GRM8: variants seen among roughly 807,000 people sequenced by gnomAD.
GRM8 encodes the protein glutamate metabotropic receptor 8.
A neutral mutation model predicts 87.2 loss-of-function variants in GRM8; 47 were observed. The observed-to-expected ratio is 0.54, with a 90% CI of 0.43 to 0.69. The LOEUF is 0.69. Among genes scored for constraint, GRM8 ranks in the 30% least tolerant of loss-of-function variants. The pLI, the probability that GRM8 is intolerant of heterozygous loss-of-function variation, is 0.00. For missense variants in GRM8, 1,019 were observed against 1,139.2 expected (o/e 0.89, Z 1.52); for synonymous variants, 396 against 404.5 (o/e 0.98, Z 0.25).
intron 3 of GRM8, among the ~76,000 whole-genome samples, chr7:126,906,130 A>G (rs892461300): frequency 6.6e-6 from 1 of 152,160 alleles, no homozygotes; most frequent in Non-Finnish European, 1.5e-5. Context: ...TAGTGCCCTT[A>G]TAAAAAAGAC....
At chr7:126,493,055 C>A in intron 9 of GRM8, among the ~76,000 whole-genome samples, 1 of 151,856 alleles carries the variant, frequency 6.6e-6, no homozygotes, top group East Asian at 1.9e-4. Context: ...GTTTGTTGAG[C>A]TTTGTTTTGT....
intron 9 of GRM8, among the ~76,000 whole-genome samples, chr7:126,526,815 G>T (rs1466456526): frequency 2.0e-5 from 3 of 152,222 alleles, no homozygotes; most frequent in Non-Finnish European, 2.9e-5. Context: ...TGCCCTACAT[G>T]AGAATTCCAT....
chr7:126,659,278 A>G (rs1804888420), intron 7 of GRM8, among the ~76,000 whole-genome samples: 1 of 152,190 alleles, frequency 6.6e-6, no homozygotes, highest in African/African-American at 2.4e-5. Flanking sequence ...AGCTATTACA[A>G]GTGGCAGGGG....
At chr7:126,773,575 T>C (rs1819091573) in intron 6 of GRM8, among the ~76,000 whole-genome samples, 1 of 152,176 alleles carries the variant, frequency 6.6e-6, no homozygotes, top group South Asian at 2.1e-4. Flanking sequence ...TATATTATCA[T>C]TGTATTTTAA....
At position 126,688,739 on chromosome 7, in the gene GRM8, G is replaced by GACACAC. The variant is rs3831573; in HGVS notation, c.1358-79247_1358-79242dup. 5.9e-3 allele frequency among the ~76,000 whole-genome samples: 865 copies of GACACAC among 145,800 alleles called. 10 individuals are homozygous for GACACAC. The highest frequency in any genetic ancestry group is 0.04 in the South Asian group (183 of 4,526). ...CCCTATTTTCTCTCTCTCTCTTTCT[G>GACACAC]ACACACACACACACACACACACACA... On this transcript the variant is annotated intron_variant, in intron 7 of 10. Coordinates refer to ENST00000339582, the MANE Select transcript of GRM8 (RefSeq NM_000845.3).
intron 2 of GRM8, among the ~76,000 whole-genome samples, chr7:127,125,718 C>T (rs1417987792): frequency 4.7e-5 from 7 of 149,214 alleles, no homozygotes; most frequent in East Asian, 3.9e-4. Flanking sequence ...AACTATGCAT[C>T]CATCAGGGGA....
At chr7:127,016,028 G>A (rs544082377) in intron 3 of GRM8, among the ~76,000 whole-genome samples, 4 of 152,156 alleles carry the variant, frequency 2.6e-5, no homozygotes, top group African/African-American at 7.2e-5. Context: ...ATACAAACAA[G>A]CTTAGATATT....
intron 6 of GRM8, among the ~76,000 whole-genome samples, chr7:126,812,457 G>C (rs746875235): frequency 4.0e-5 from 6 of 151,898 alleles, no homozygotes; most frequent in Non-Finnish European, 8.8e-5. Flanking sequence ...GTAACACAAT[G>C]GTAAGTACAT....
intron 9 of GRM8, among the ~76,000 whole-genome samples, chr7:126,529,454 A>G (rs1367075619): frequency 1.3e-5 from 2 of 152,224 alleles, no homozygotes; most frequent in Non-Finnish European, 2.9e-5. Context: ...AGGAGTGAGT[A>G]GAGGGAGGAG....
intron 8 of GRM8, among the ~76,000 whole-genome samples, chr7:126,599,255 C>T (rs141797682): frequency 1.5e-4 from 23 of 152,194 alleles, no homozygotes; most frequent in African/African-American, 5.1e-4. Context: ...TTTGGACTTT[C>T]CCTCAGATTC....
intron 7 of GRM8, among the ~76,000 whole-genome samples, chr7:126,628,448 A>G (rs1329692922): frequency 6.6e-6 from 1 of 152,226 alleles, no homozygotes; most frequent in Non-Finnish European, 1.5e-5. Flanking sequence ...AAATGCCCAC[A>G]GGATAGTGAA....
At chr7:126,737,946 T>C (rs1437926443) in intron 7 of GRM8, among the ~76,000 whole-genome samples, 4 of 152,054 alleles carry the variant, frequency 2.6e-5, no homozygotes, top group Non-Finnish European at 5.9e-5. Flanking sequence ...AGAGAAGCCT[T>C]TCTAGAGGTG....
chr7:126,872,588 T>C (rs574927222), intron 6 of GRM8, among the ~76,000 whole-genome samples: 2 of 152,322 alleles, frequency 1.3e-5, no homozygotes, highest in East Asian at 3.9e-4. Context: ...ACACTCACCT[T>C]CTTTTGAGAC....
intron 2 of GRM8, among the ~76,000 whole-genome samples, chr7:127,123,330 G>A (rs908198345): frequency 2.0e-5 from 3 of 152,136 alleles, no homozygotes; most frequent in African/African-American, 7.2e-5. Flanking sequence ...GGGGCATAAT[G>A]GGCGGTGTTT....
chr7:127,189,757 C>T (rs1476961185), intron 2 of GRM8, among the ~76,000 whole-genome samples: 1 of 152,172 alleles, frequency 6.6e-6, no homozygotes, highest in Non-Finnish European at 1.5e-5. Context: ...TAAAACTATT[C>T]TGTGACCCCC....
intron 3 of GRM8, among the ~76,000 whole-genome samples, chr7:126,980,296 TAAAC>T (rs1811392361): frequency 6.6e-6 from 1 of 152,124 alleles, no homozygotes; most frequent in African/African-American, 2.4e-5. Context: ...AAATTAACGA[TAAAC>T]AAGTCAACAC....
intron 7 of GRM8, among the ~76,000 whole-genome samples, chr7:126,768,936 A>AAAAAAACAAAAAAAAT: frequency 6.7e-6 from 1 of 149,880 alleles, no homozygotes; most frequent in African/African-American, 2.4e-5. Flanking sequence ...GCAAAAAAAA[A>AAAAAAACAAAAAAAAT]AAAAATAAAG....
intron 2 of GRM8, among the ~76,000 whole-genome samples, chr7:127,136,522 A>G (rs1360918335): frequency 6.6e-6 from 1 of 152,114 alleles, no homozygotes; most frequent in Admixed American, 6.5e-5. Context: ...ACATAAATTT[A>G]GTAGGTTGTG....
intron 6 of GRM8, among the ~76,000 whole-genome samples, chr7:126,892,185 C>T (rs1159359907): frequency 6.6e-6 from 1 of 151,590 alleles, no homozygotes; most frequent in African/African-American, 2.4e-5. Flanking sequence ...GGTACATGTG[C>T]ACAATGTGCA....
Sources: gnomAD v4.1 joint callset for allele counts (sites outside exome capture counted in the v4.1 genomes callset) on GRCh38, gnomAD v4.1.1 for gene constraint, MANE v1.5 for transcripts, NCBI Gene and HGNC (gene_info 2026-07-23, HGNC 2026-07-21) for gene names.